Variants in TXNRD2 observed in about 807,000 individuals in gnomAD.
TXNRD2 encodes the protein thioredoxin reductase 2, also known as thioredoxin reductase 2, mitochondrial.
Under a neutral mutation model 70.8 loss-of-function variants are expected in TXNRD2, and 67 were observed. The ratio of observed to expected loss-of-function variants is 0.95; its 90% confidence interval spans 0.78 to 1.16. TXNRD2 has a LOEUF of 1.16. Ranked by LOEUF, TXNRD2 falls within the 50% of genes most tolerant of loss-of-function variation. The pLI, the probability that TXNRD2 is intolerant of heterozygous loss-of-function variation, is 0.00. For missense variants in TXNRD2, 644 were observed against 719.9 expected, an observed-to-expected ratio of 0.89 and a Z score of 1.21; for synonymous variants, 301 against 295.8, an observed-to-expected ratio of 1.02 and a Z score of -0.18.
chr22:19,919,402 G>T (rs1009519169), intron 3 of TXNRD2, 141 bp downstream of exon 3: 18 of 774,892 alleles, frequency 2.3e-5, no homozygotes, highest in Non-Finnish European at 3.3e-5. Flanking sequence ...TTAAAGTAAT[G>T]ATGAGTGAAA....
chr22:19,934,834 T>G lies in TXNRD2; in HGVS notation c.104-3736A>C, dbSNP rs541181301. On this transcript the variant is annotated intron_variant, in intron 1 of 17. Coordinates refer to ENST00000400521, the MANE Select transcript of TXNRD2 (RefSeq NM_006440.5). ...GCCTCGGCCTCTCAAAGTGCTAGGA[T>G]TACAGGCATGAGCCACCGCGCCTGG... 2.6e-4 allele frequency among the ~76,000 whole-genome samples: 39 copies of G among 152,288 alleles called. 1 individual carries two copies. In the South Asian group the frequency reaches 8.1e-3, roughly 32 times the overall value.
chr22:19,882,045 T>C (rs1938802553), intron 12 of TXNRD2, among the ~76,000 whole-genome samples: 1 of 151,990 alleles, frequency 6.6e-6, no homozygotes, highest in African/African-American at 2.4e-5. Flanking sequence ...CTAAGTCCAA[T>C]TGCAGAGAAA....
intron 14 of TXNRD2, among the ~76,000 whole-genome samples, chr22:19,879,615 T>TG (rs1938665889): frequency 3.7e-5 from 1 of 26,814 alleles, no homozygotes. Flanking sequence ...AGGTGCAGGG[T>TG]GGTGGGGGGG....
In TXNRD2 at chr22:19,878,346, T is replaced by A. The variant is rs113605285; in HGVS notation, c.1347+20A>T. ...ACCCTCCCTCTCATCCTCAGCACCC[T>A]GGGCCACAGGGATGCTCACCTTTAC... On this transcript the variant is annotated intron_variant, in intron 15 of 17. Coordinates refer to ENST00000400521, the MANE Select transcript of TXNRD2 (RefSeq NM_006440.5). The A allele has an allele frequency of 2.5e-6, 4 of 1,613,398 alleles. No homozygotes were observed. The South Asian group carries it at 4.4e-5, about 18-fold the overall frequency.
rs144739388 is a variant in TXNRD2 at position 19,921,375 on chromosome 22, A to G, written c.173-1776T>C. On this transcript the variant is annotated intron_variant, in intron 2 of 17. Coordinates refer to ENST00000400521, the MANE Select transcript of TXNRD2 (RefSeq NM_006440.5). ...GGATGCAGTGAGTCAAGATTGTGCC[A>G]CTGCACTCCAGCCTAGGTGACAGAG... 1.6e-3 allele frequency among the ~76,000 whole-genome samples: 234 copies of G among 148,202 alleles called. 1 individual carries two copies. Among genetic ancestry groups the G allele is most frequent in the African/African-American group, 5.6e-3 (224 of 39,980 alleles).
At chr22:19,881,686 C>A (rs890518497) in intron 12 of TXNRD2, among the ~76,000 whole-genome samples, 2 of 152,230 alleles carry the variant, frequency 1.3e-5, no homozygotes, top group African/African-American at 2.4e-5. Context: ...GGAGGCTTCC[C>A]GCTGTGCACA....
Position 19,878,309 on chromosome 22 carries a change from A to G in TXNRD2, c.1347+57T>C, listed in dbSNP as rs369699430. On this transcript the variant is annotated intron_variant, in intron 15 of 17. Transcript: ENST00000400521. ...CCAGTCCTCGGGTGTTCACCCTGCC[A>G]GGCTCTTTGCCACCCTCCCTCTCAT... 21 of 1,604,620 alleles carry G rather than the reference A, an allele frequency of 1.3e-5. No individual in the cohort carries two copies. In the African/African-American group the frequency reaches 2.7e-4, roughly 20 times the overall value.
chr22:19,883,719 C>T (rs1042525828), intron 11 of TXNRD2: 4 of 471,232 alleles, frequency 8.5e-6, no homozygotes, highest in South Asian at 2.1e-5. Context: ...TTTGGGAGGC[C>T]GAGGCAAGTG....
intron 8 of TXNRD2, among the ~76,000 whole-genome samples, chr22:19,902,075 T>C (rs1416877758): frequency 6.6e-6 from 1 of 152,198 alleles, no homozygotes; most frequent in Non-Finnish European, 1.5e-5. Flanking sequence ...TATGCACCTG[T>C]AGTCCCGGCT....
intron 2 of TXNRD2, among the ~76,000 whole-genome samples, chr22:19,927,435 C>T (rs989543886): frequency 6.6e-6 from 1 of 151,966 alleles, no homozygotes; most frequent in African/African-American, 2.4e-5. Context: ...AGACGGATCA[C>T]TTGAGCTCAG....
At chr22:19,913,667 G>T (rs909511644) in intron 7 of TXNRD2, among the ~76,000 whole-genome samples, 13 of 152,304 alleles carry the variant, frequency 8.5e-5, no homozygotes, top group African/African-American at 2.9e-4. Flanking sequence ...CATATTCCTG[G>T]GAACCTAGGC....
rs562542338 is a variant in TXNRD2, at chr22:19,892,648, C to T, written c.949+2759G>A. On this transcript the variant is annotated intron_variant, in intron 11 of 17. Coordinates refer to ENST00000400521, the MANE Select transcript of TXNRD2 (RefSeq NM_006440.5). ...TCTGCTACATCCCTATGGGCTTGGT[C>T]GAGGGCTGCCCCTCGGTTCAATGGC... 2.1e-3 allele frequency among the ~76,000 whole-genome samples: 327 copies of T among 152,252 alleles called. 6 individuals carry two copies. Among genetic ancestry groups the T allele is most frequent in the Non-Finnish European group, 4.7e-4 (32 of 68,004 alleles).
At chr22:19,881,619 A>G (rs1307351500) in intron 12 of TXNRD2, among the ~76,000 whole-genome samples, 1 of 152,254 alleles carries the variant, frequency 6.6e-6, no homozygotes, top group East Asian at 1.9e-4. Context: ...AGTTTCCAAC[A>G]CAGGAGCCTG....
chr22:19,878,015 C>G, intron 16 of TXNRD2, 75 bp downstream of exon 16: 2 of 1,245,640 alleles, frequency 1.6e-6, no homozygotes. Context: ...CAGCAGCTCT[C>G]CACTGTAGGA....
intron 1 of TXNRD2, among the ~76,000 whole-genome samples, 184 bp from the exon 2 acceptor site, chr22:19,931,282 T>C (rs1941351174): frequency 6.6e-6 from 1 of 152,208 alleles, no homozygotes; most frequent in South Asian, 2.1e-4. Context: ...AGCCATATGG[T>C]GGTGAGGTTG....
rs780948248 is a variant in TXNRD2, at chr22:19,880,682, G to C, written c.1122C>G (p.Ala374=). The change falls in exon 13 of 18, where the codon GCC becomes GCG. Residue 374 remains alanine (A), a synonymous_variant. Coordinates refer to ENST00000400521, the MANE Select transcript of TXNRD2 (RefSeq NM_006440.5). Reference sequence around the variant, plus strand: ...AGAGCCGCTGCACCAGGAGCCTCCCGGCCATGATCGCTATGGGTGTCAGCT... The same window carrying C: ...AGAGCCGCTGCACCAGGAGCCTCCCCGCCATGATCGCTATGGGTGTCAGCT... ...RPELTPIAIM[A]GRLLVQRLFG... 3 of 1,613,206 alleles carry C rather than the reference G, an allele frequency of 1.9e-6. No individual in the cohort carries two copies. The highest frequency in any genetic ancestry group is 2.5e-6 in the Non-Finnish European group (3 of 1,180,024).
At chr22:19,908,821 C>A (rs967489627) in intron 8 of TXNRD2, among the ~76,000 whole-genome samples, 19 of 152,210 alleles carry the variant, frequency 1.2e-4, no homozygotes, top group African/African-American at 4.6e-4. Flanking sequence ...GCAGATACAA[C>A]ATGGATGAAA....
At chr22:19,917,096 C>T (rs1014222512) in intron 5 of TXNRD2, among the ~76,000 whole-genome samples, 1 of 152,198 alleles carries the variant, frequency 6.6e-6, no homozygotes, top group Non-Finnish European at 1.5e-5. Flanking sequence ...GGGACACAGC[C>T]GGGCAATGCT....
intron 5 of TXNRD2, among the ~76,000 whole-genome samples, chr22:19,917,387 G>T (rs1327473578): frequency 1.3e-5 from 2 of 152,202 alleles, no homozygotes; most frequent in Non-Finnish European, 2.9e-5. Context: ...AGGGCAAGCA[G>T]TTGGCTTCCT....
Sources: gnomAD v4.1 joint callset for allele counts (sites outside exome capture counted in the v4.1 genomes callset) on GRCh38, gnomAD v4.1.1 for gene constraint, MANE v1.5 for transcripts, NCBI Gene and HGNC (gene_info 2026-07-23, HGNC 2026-07-21) for gene names.